Variants in MCM3AP observed in about 807,000 individuals in gnomAD.
MCM3AP encodes germinal-center associated nuclear protein.
MCM3AP carries 126 observed loss-of-function variants against 184.1 expected under a neutral mutation model. The observed-to-expected ratio is 0.68, with a 90% confidence interval of 0.59 to 0.79. MCM3AP has a LOEUF of 0.79. MCM3AP is among the 30% of genes least tolerant of loss of function. The pLI is 0.00. For missense variants in MCM3AP, 2,496 were observed against 2,479.2 expected, an observed-to-expected ratio of 1.01 and a Z score of -0.14; for synonymous variants, 1,002 against 979.3, an observed-to-expected ratio of 1.02 and a Z score of -0.43.
Position 46,285,342 on chromosome 21 carries a change from C to A in MCM3AP, c.-56G>T. The A allele has an allele frequency of 8.2e-7, 1 of 1,218,304 alleles. No individual in the cohort carries two copies. Among genetic ancestry groups the A allele is most frequent in the Non-Finnish European group, 1.2e-6 (1 of 839,976 alleles). 75.5% of individuals were successfully genotyped at this position (1,218,304 alleles called of 1,614,324 possible). Reference sequence around the variant, plus strand: ...GTATTATGTGTACAAAATTAATTGGCTTCCTGAAACAGCCTGTAGCACTAG... The same window carrying A: ...GTATTATGTGTACAAAATTAATTGGATTCCTGAAACAGCCTGTAGCACTAG... On this transcript the variant is annotated 5_prime_UTR_variant, in exon 1 of 28. Coordinates refer to ENST00000291688, the MANE Select transcript of MCM3AP (RefSeq NM_003906.5).
rs2080776518 is a variant in MCM3AP, at chr21:46,246,654, TC to T, written c.4522del (p.Asp1508ThrfsTer7). ...ATCTTCTACTTCCTTCTCAACGGCG[TC>T]CCCTCCTGGGCTAGGCACAAGAACC... ...LVVLVPSPGG[D>X]AVEKEVEDGL... On this transcript the variant is annotated frameshift_variant, in exon 21 of 28. Coordinates refer to ENST00000291688, the MANE Select transcript of MCM3AP (RefSeq NM_003906.5). LOFTEE classifies it high-confidence loss of function. 1 of 1,610,872 alleles carries T rather than the reference TC, an allele frequency of 6.2e-7. No individual in the cohort carries two copies.
At chr21:46,259,243 C>T (rs752286631) in intron 15 of MCM3AP, 152 bp from the exon 16 acceptor site, 4 of 635,052 alleles carry the variant, frequency 6.3e-6, no homozygotes, top group Admixed American at 3.0e-5. Flanking sequence ...ATCATGAGGT[C>T]AAGAGATCCA....
At chr21:46,269,931 G>C (rs2081159530) in intron 9 of MCM3AP, among the ~76,000 whole-genome samples, 1 of 152,192 alleles carries the variant, frequency 6.6e-6, no homozygotes, top group Admixed American at 6.5e-5. Context: ...CCCCAGGGGA[G>C]GGACTGGCCT....
chr21:46,240,823 T>A lies in MCM3AP; in HGVS notation c.5621A>T (p.Glu1874Val). The A allele has an allele frequency of 1.9e-6, 3 of 1,614,110 alleles. No homozygotes were observed. The highest frequency in any genetic ancestry group is 2.5e-6 in the Non-Finnish European group (3 of 1,180,002). The change falls in exon 26 of 28, where the codon GAA becomes GTA. Residue 1874 changes from glutamate (E) to valine (V), a missense_variant. Coordinates refer to ENST00000291688, the MANE Select transcript of MCM3AP (RefSeq NM_003906.5). The stretch of plus-strand genomic sequence containing the variant: ...AAGTGGGCTTCACCTCTTGTTCTCT[T>A]CTTTCTCCAGCAGCAGACTGCTCGA... ...CLSSSLLLEK[E>V]ENKRFEDQLQ...
At chr21:46,271,334 T>TC (rs1361903450) in intron 8 of MCM3AP, among the ~76,000 whole-genome samples, 1 of 150,996 alleles carries the variant, frequency 6.6e-6, no homozygotes, top group Non-Finnish European at 1.5e-5. Context: ...GGGTTTTTTT[T>TC]TTTTTTTTTT....
chr21:46,241,143 C>T, intron 25 of MCM3AP, 126 bp from the exon 26 acceptor site: 2 of 725,544 alleles, frequency 2.8e-6, no homozygotes, highest in Non-Finnish European at 2.4e-6. Context: ...GACACATGTG[C>T]CCTCCTGGAA....
In MCM3AP at chr21:46,251,683, C is replaced by G; in HGVS notation, c.4137-1G>C. On this transcript the variant is annotated splice_acceptor_variant, in intron 19 of 27. Transcript: ENST00000291688. LOFTEE classifies it high-confidence loss of function. Reference sequence around the variant, plus strand: ...GACTTTTAACCAATTTGCTAGAATTCTACAGATTTAAAAAAAACAAAAAAC... The same window carrying G: ...GACTTTTAACCAATTTGCTAGAATTGTACAGATTTAAAAAAAACAAAAAAC... 1 of 1,555,036 alleles carries G rather than the reference C, an allele frequency of 6.4e-7. No individual in the cohort carries two copies. The highest frequency in any genetic ancestry group is 8.8e-7 in the Non-Finnish European group (1 of 1,140,676).
Position 46,243,619 on chromosome 21 carries a change from G to A in MCM3AP, c.5142C>T (p.Leu1714=). ...PVLQSQVENL[L]HRTYCRWKSK... is the part of the protein sequence containing the mutation. ...TCTTCCACCTACAGTAGGTTCTGTGGAGCAGGTTCTCCACCTGGGACTGGA... is the reference window on the plus strand; with the variant it reads ...TCTTCCACCTACAGTAGGTTCTGTGAAGCAGGTTCTCCACCTGGGACTGGA... The change falls in exon 24 of 28, where the codon CTC becomes CTT. Residue 1714 remains leucine, a synonymous_variant. Coordinates refer to ENST00000291688, the MANE Select transcript of MCM3AP (RefSeq NM_003906.5). The A allele has an allele frequency of 6.2e-7, 1 of 1,614,270 alleles. No homozygotes were observed. Among genetic ancestry groups the A allele is most frequent in the South Asian group, 1.1e-5 (1 of 91,090 alleles).
intron 4 of MCM3AP, among the ~76,000 whole-genome samples, chr21:46,279,166 T>C (rs2081293882): frequency 6.6e-6 from 1 of 151,868 alleles, no homozygotes; most frequent in Non-Finnish European, 1.5e-5. Context: ...AGCGCACCTG[T>C]AATCTCAGCT....
rs201227736 is a variant in MCM3AP, at chr21:46,240,977, G to A, written c.5467C>T (p.Pro1823Ser). ...KPFHPSANNF[P>S]IPLLHMHRNW... ...CGGTGCATGTGAAGCAATGGTATGGGAAAATTGTTTGCAGAAGGATGAAAA... is the reference window on the plus strand; with the variant it reads ...CGGTGCATGTGAAGCAATGGTATGGAAAAATTGTTTGCAGAAGGATGAAAA... Residue 1823 changes from proline to serine, a missense_variant, in exon 26 of 28, where the codon CCC (proline) becomes TCC (serine). Pro to Ser is a moderately conservative substitution (Grantham distance 74). Transcript: ENST00000291688. 4 of 1,614,076 alleles carry A rather than the reference G, an allele frequency of 2.5e-6. No homozygotes were observed. The African/African-American group carries it at 5.3e-5, about 22-fold the overall frequency.
At chr21:46,256,692 T>C in intron 17 of MCM3AP, 97 bp downstream of exon 17, 2 of 1,415,678 alleles carry the variant, frequency 1.4e-6, no homozygotes, top group African/African-American at 2.9e-5. Context: ...AGGCTTCACC[T>C]ATCTTCACCC....
Position 46,265,320 on chromosome 21 carries a change from C to A in MCM3AP, c.3234+1G>T. The A allele has an allele frequency of 6.2e-7, 1 of 1,613,746 alleles. No individual in the cohort carries two copies. Among genetic ancestry groups the A allele is most frequent in the Non-Finnish European group, 8.5e-7 (1 of 1,179,924 alleles). Reference sequence around the variant, plus strand: ...CAGACCTAGAAAAAAAGAGTCCCTACCTCGTCAGAGTACATGGGCACGGGC... The same window carrying A: ...CAGACCTAGAAAAAAAGAGTCCCTAACTCGTCAGAGTACATGGGCACGGGC... On this transcript the variant is annotated splice_donor_variant, in intron 12 of 27. Coordinates refer to ENST00000291688, the MANE Select transcript of MCM3AP (RefSeq NM_003906.5). LOFTEE classifies it high-confidence loss of function.
chr21:46,261,026 C>T, intron 14 of MCM3AP, 120 bp from the exon 15 acceptor site: 1 of 871,596 alleles, frequency 1.1e-6, no homozygotes, highest in Non-Finnish European at 1.8e-6. Flanking sequence ...CGGTAGGCCA[C>T]CCCTACTCCA....
At chr21:46,272,494 G>C in intron 8 of MCM3AP, 67 bp downstream of exon 8, 3 of 1,487,664 alleles carry the variant, frequency 2.0e-6, no homozygotes, top group Admixed American at 3.8e-5. Context: ...ACTCCTGAAA[G>C]CTCTTCTCCT....
At chr21:46,280,596 G>A (rs751609075) in intron 2 of MCM3AP, 21 bp from the exon 3 acceptor site, 87 of 1,545,110 alleles carry the variant, frequency 5.6e-5, no homozygotes, top group South Asian at 1.8e-4. Flanking sequence ...GTCCACAACC[G>A]CCATGTGTGA....
chr21:46,280,351 A>C lies in MCM3AP; in HGVS notation c.1522+146T>G, dbSNP rs1189187771. On this transcript the variant is annotated intron_variant, in intron 3 of 27. Coordinates refer to ENST00000291688, the MANE Select transcript of MCM3AP (RefSeq NM_003906.5). ...TCACGCTCAAAGGGTTTGGACCAAG[A>C]GCATGAGAAACTGAAAAGAGGGCCA... The C allele has an allele frequency of 4.9e-6, 4 of 815,674 alleles. No individual in the cohort carries two copies. The African/African-American group carries it at 7.0e-5, about 14-fold the overall frequency. The allele number at this position is 815,674 out of a possible 1,614,324, so 50.5% of individuals were successfully genotyped here. A position where few individuals can be genotyped will look rare whatever the true frequency, so the allele number is the denominator to read the frequency against.
Position 46,280,547 on chromosome 21 carries a change from C to T in MCM3AP, c.1472G>A (p.Gly491Glu), listed in dbSNP as rs2081319039. The T allele has an allele frequency of 3.1e-6, 5 of 1,612,934 alleles. No individual in the cohort carries two copies. The highest frequency in any genetic ancestry group is 3.4e-6 in the Non-Finnish European group (4 of 1,179,190). ...HASAALARKK[G>E]KSLHKDMAIF... ...AGCCATGTCTTTATGCAAACTTTTC[C>T]CCTTCTTTCTAGCCAGGGCTGCAGA... Residue 491 changes from glycine (G) to glutamate (E), a missense_variant, in exon 3 of 28, where the codon GGG becomes GAG. Physicochemically the swap from Gly to Glu is moderately conservative, Grantham distance 98. Coordinates refer to ENST00000291688, the MANE Select transcript of MCM3AP (RefSeq NM_003906.5).
chr21:46,280,581 A>C lies in MCM3AP; in HGVS notation c.1444-6T>G, dbSNP rs752865656. On this transcript the variant is annotated splice_region_variant and splice_polypyrimidine_tract_variant and intron_variant, in intron 2 of 27. Transcript: ENST00000291688. ...CTAGCCAGGGCTGCAGATGCCTGGA[A>C]AACAGTCCACAACCGCCATGTGTGA... The C allele has an allele frequency of 6.2e-7, 1 of 1,602,874 alleles. No homozygotes were observed. The highest frequency in any genetic ancestry group is 8.5e-7 in the Non-Finnish European group (1 of 1,170,680).
At chr21:46,278,696 T>TG (rs1246885331) in intron 4 of MCM3AP, among the ~76,000 whole-genome samples, 11 of 151,568 alleles carry the variant, frequency 7.3e-5, no homozygotes, top group Non-Finnish European at 1.6e-4. Flanking sequence ...TTTTTTGAGA[T>TG]GGGGTCTCGC....
Sources: gnomAD v4.1 joint callset for allele counts (sites outside exome capture counted in the v4.1 genomes callset) on GRCh38, gnomAD v4.1.1 for gene constraint, MANE v1.5 for transcripts, NCBI Gene and HGNC (gene_info 2026-07-23, HGNC 2026-07-21) for gene names.